The following RABGAP1L variants were observed in gnomAD, a reference collection of about 807,000 sequenced individuals.
RABGAP1L encodes the protein rab GTPase-activating protein 1-like.
A neutral mutation model predicts 137.7 loss-of-function variants in RABGAP1L; 63 were observed. The ratio of observed to expected loss-of-function variants is 0.46; its 90% confidence interval spans 0.37 to 0.56. RABGAP1L has a LOEUF of 0.56. RABGAP1L is among the 20% of genes least tolerant of loss of function. The pLI, the probability that RABGAP1L is intolerant of heterozygous loss-of-function variation, is 0.00. For synonymous variants in RABGAP1L, 431 were observed against 433.7 expected, an observed-to-expected ratio of 0.99 and a Z score of 0.08; for missense variants, 1,095 against 1,244.0, an observed-to-expected ratio of 0.88 and a Z score of 1.80.
chr1:174,284,470 G>A (rs1675875980), intron 10 of RABGAP1L, among the ~76,000 whole-genome samples: 1 of 152,132 alleles, frequency 6.6e-6, no homozygotes, highest in East Asian at 1.9e-4. Context: ...AAGTATGTGT[G>A]TATATATTCA....
At chr1:174,613,362 T>C (rs564617136) in intron 13 of RABGAP1L, among the ~76,000 whole-genome samples, 4 of 152,304 alleles carry the variant, frequency 2.6e-5, no homozygotes, top group South Asian at 2.1e-4. Flanking sequence ...TGTAGTTGAG[T>C]GATTTTGAGT....
intron 1 of RABGAP1L, among the ~76,000 whole-genome samples, chr1:174,217,125 G>C (rs1356088158): frequency 6.6e-6 from 1 of 152,116 alleles, no homozygotes; most frequent in East Asian, 1.9e-4. Flanking sequence ...GTAAAGAAGT[G>C]GAGGTGAATC....
chr1:174,728,344 A>G (rs1019908772), intron 17 of RABGAP1L, among the ~76,000 whole-genome samples: 4 of 152,184 alleles, frequency 2.6e-5, no homozygotes, highest in African/African-American at 4.8e-5. Flanking sequence ...TCAAGCTCGG[A>G]GCCAAATAAA....
At chr1:174,550,999 C>CATATATATACATATATATAT (rs1666477710) in intron 13 of RABGAP1L, among the ~76,000 whole-genome samples, 2 of 86,372 alleles carry the variant, frequency 2.3e-5, no homozygotes, top group African/African-American at 1.7e-4. Context: ...TATATATACA[C>CATATATATACATATATATAT]ATATATATAT....
intron 18 of RABGAP1L, among the ~76,000 whole-genome samples, chr1:174,799,361 C>T (rs1688525654): frequency 6.6e-6 from 1 of 152,140 alleles, no homozygotes; most frequent in South Asian, 2.1e-4. Flanking sequence ...TATCATTTTA[C>T]CCTAATACCT....
chr1:174,333,376 G>A (rs187910853), intron 11 of RABGAP1L, among the ~76,000 whole-genome samples: 35 of 152,204 alleles, frequency 2.3e-4, no homozygotes, highest in South Asian at 6.2e-4. Context: ...GCTAATTACC[G>A]TAATATGATC....
chr1:174,251,897 ATT>A (rs747467937), intron 6 of RABGAP1L, among the ~76,000 whole-genome samples: 19 of 140,030 alleles, frequency 1.4e-4, no homozygotes, highest in Non-Finnish European at 1.3e-4. Flanking sequence ...TCATGTTGTC[ATT>A]TTTTTTTTTT....
chr1:174,725,171 A>G (rs1164620478), intron 17 of RABGAP1L, among the ~76,000 whole-genome samples: 1 of 152,220 alleles, frequency 6.6e-6, no homozygotes, highest in Non-Finnish European at 1.5e-5. Flanking sequence ...TGAAGGGGAT[A>G]AGGAGACCAG....
chr1:174,668,376 G>A (rs1676937080), intron 14 of RABGAP1L, among the ~76,000 whole-genome samples: 1 of 152,010 alleles, frequency 6.6e-6, no homozygotes, highest in Non-Finnish European at 1.5e-5. Context: ...GTTTTTCTAT[G>A]CCTGGCATAC....
chr1:174,877,669 C>G, intron 19 of RABGAP1L: 1 of 1,498,096 alleles, frequency 6.7e-7, no homozygotes, highest in African/African-American at 1.4e-5. Flanking sequence ...TATCTATACT[C>G]CTGTAGCAAC....
chr1:174,173,758 G>T (rs1187463181), intron 1 of RABGAP1L, among the ~76,000 whole-genome samples: 1 of 152,020 alleles, frequency 6.6e-6, no homozygotes, highest in Non-Finnish European at 1.5e-5. Flanking sequence ...GGAAACAGAT[G>T]AATAGAGAGT....
At chr1:174,408,545 G>T (rs900016709) in intron 13 of RABGAP1L, among the ~76,000 whole-genome samples, 7 of 151,914 alleles carry the variant, frequency 4.6e-5, no homozygotes, top group Non-Finnish European at 1.5e-5. Context: ...GTGTCTTTTC[G>T]ATAGAAATAT....
intron 13 of RABGAP1L, among the ~76,000 whole-genome samples, chr1:174,496,690 C>T (rs1280046175): frequency 6.6e-6 from 1 of 152,156 alleles, no homozygotes; most frequent in African/African-American, 2.4e-5. Flanking sequence ...TGAACTAGCA[C>T]GCGTGTCCTC....
rs780857209 is a variant in RABGAP1L, at chr1:174,448,414, TCTC to T, written c.1710+54271_1710+54273del. 8.1e-6 allele frequency: 13 copies of T among 1,612,798 alleles called. No individual in the cohort carries two copies. Among genetic ancestry groups the T allele is most frequent in the Non-Finnish European group, 1.1e-5 (13 of 1,178,772 alleles). ...GCTGCTTGGTTCCTACTCTGTCACT[TCTC>T]CACTACTCCACAGGTGTCCACGAGT... On this transcript the variant is annotated intron_variant, in intron 13 of 25. Coordinates refer to ENST00000681986, the MANE Select transcript of RABGAP1L (RefSeq NM_001366446.1). The surrounding 1 kb of genome is among the most constrained non-coding windows in gnomAD (Gnocchi z 4.2).
intron 11 of RABGAP1L, among the ~76,000 whole-genome samples, chr1:174,336,705 C>G (rs889780162): frequency 6.6e-6 from 1 of 152,056 alleles, no homozygotes; most frequent in African/African-American, 2.4e-5. Context: ...AAATTGCCTA[C>G]CTATATTAGC....
At chr1:174,691,182 A>G (rs1367956618) in intron 15 of RABGAP1L, among the ~76,000 whole-genome samples, 1 of 152,188 alleles carries the variant, frequency 6.6e-6, no homozygotes, top group Non-Finnish European at 1.5e-5. Context: ...CATCTCCTTC[A>G]TAGAGAAAGG....
chr1:174,332,938 TG>T (rs1166110478), intron 11 of RABGAP1L, among the ~76,000 whole-genome samples: 1 of 152,156 alleles, frequency 6.6e-6, no homozygotes, highest in African/African-American at 2.4e-5. Flanking sequence ...AGTGGATGAA[TG>T]GATAAAGAAA....
At chr1:174,249,601 C>T (rs75268952) in intron 5 of RABGAP1L, among the ~76,000 whole-genome samples, 2 of 140,156 alleles carry the variant, frequency 1.4e-5, no homozygotes, top group Admixed American at 7.1e-5. Flanking sequence ...TGAAAGATAG[C>T]TTTTTTTTTT....
At chr1:174,222,620 T>G (rs553407885) in intron 3 of RABGAP1L, among the ~76,000 whole-genome samples, 1 of 152,290 alleles carries the variant, frequency 6.6e-6, no homozygotes, top group East Asian at 1.9e-4. Context: ...TATCAAAGTC[T>G]TATGTTTTAT....
Sources: gnomAD v4.1 joint callset for allele counts (sites outside exome capture counted in the v4.1 genomes callset) on GRCh38, gnomAD v4.1.1 for gene constraint, Gnocchi (gnomAD v3.1) non-coding constraint, MANE v1.5 for transcripts, NCBI Gene and HGNC (gene_info 2026-07-23, HGNC 2026-07-21) for gene names.